Variants in MBNL1 observed in about 807,000 individuals in gnomAD.
MBNL1 encodes muscleblind like splicing regulator 1.
Under a neutral mutation model 42.2 loss-of-function variants are expected in MBNL1, and 8 were observed. The observed-to-expected ratio is 0.19, with a 90% confidence interval of 0.11 to 0.34. The LOEUF is 0.34. Ranked by LOEUF, MBNL1 falls within the 10% of genes least tolerant of loss-of-function variation. MBNL1 has a pLI of 1.00. For synonymous variants in MBNL1, 169 were observed against 173.9 expected, an observed-to-expected ratio of 0.97 and a Z score of 0.22; for missense variants, 309 against 495.3, an observed-to-expected ratio of 0.62 and a Z score of 3.57.
At chr3:152,419,750 C>T (rs2098770449) in intron 3 of MBNL1, among the ~76,000 whole-genome samples, 2 of 151,986 alleles carry the variant, frequency 1.3e-5, no homozygotes, top group Admixed American at 1.3e-4. Flanking sequence ...TCCTGGAACA[C>T]CAGCGAGACA....
At chr3:152,364,843 T>A (rs1008338576) in intron 2 of MBNL1, among the ~76,000 whole-genome samples, 1 of 151,996 alleles carries the variant, frequency 6.6e-6, no homozygotes, top group African/African-American at 2.4e-5. Flanking sequence ...ATACAATTTG[T>A]TATTTTGTGA....
intron 1 of MBNL1, among the ~76,000 whole-genome samples, chr3:152,291,202 T>G (rs894453983): frequency 6.6e-6 from 1 of 152,202 alleles, no homozygotes; most frequent in African/African-American, 2.4e-5. Flanking sequence ...GAAGGAAATG[T>G]TAAAATACTT....
At chr3:152,288,118 C>T (rs764549901) in intron 1 of MBNL1, among the ~76,000 whole-genome samples, 1 of 152,178 alleles carries the variant, frequency 6.6e-6, no homozygotes, top group Non-Finnish European at 1.5e-5. Flanking sequence ...GTAATGCTCA[C>T]ATTCTGCCAA....
chr3:152,358,534 T>G lies in MBNL1; in HGVS notation c.175-56407T>G, dbSNP rs182967746. Reference sequence around the variant, plus strand: ...CAGTTCAATTAGTTTTCCCTGCAACTAGATCTATTTCCTTTGCTGTTAAGG... The same window carrying G: ...CAGTTCAATTAGTTTTCCCTGCAACGAGATCTATTTCCTTTGCTGTTAAGG... On this transcript the variant is annotated intron_variant, in intron 2 of 9. Coordinates refer to ENST00000324210, the MANE Select transcript of MBNL1 (RefSeq NM_021038.5). 2.6e-5 allele frequency among the ~76,000 whole-genome samples: 4 copies of G among 152,336 alleles called. No homozygotes were observed. In the East Asian group the frequency reaches 7.7e-4, roughly 29 times the overall value.
At chr3:152,311,540 C>T (rs370321701) in intron 2 of MBNL1, among the ~76,000 whole-genome samples, 2 of 151,978 alleles carry the variant, frequency 1.3e-5, no homozygotes, top group African/African-American at 4.8e-5. Flanking sequence ...TTGAGTATTA[C>T]ATTTCAGAAA....
At chr3:152,414,359 A>G (rs551667293) in intron 2 of MBNL1, among the ~76,000 whole-genome samples, 8 of 152,320 alleles carry the variant, frequency 5.3e-5, no homozygotes, top group Admixed American at 3.9e-4. Context: ...ATTAATCTCT[A>G]TATACAGTGG....
At chr3:152,353,898 A>G (rs1410934759) in intron 2 of MBNL1, among the ~76,000 whole-genome samples, 3 of 152,154 alleles carry the variant, frequency 2.0e-5, no homozygotes, top group Admixed American at 6.5e-5. Flanking sequence ...GTATGAGCAT[A>G]AATTTTATCT....
chr3:152,445,419 C>T lies in MBNL1; in HGVS notation c.687C>T (p.Cys229=). 6.2e-7 allele frequency: 1 copy of T among 1,614,102 alleles called. No homozygotes were observed. Among genetic ancestry groups the T allele is most frequent in the Non-Finnish European group, 8.5e-7 (1 of 1,179,984 alleles). Residue 229 remains cysteine (C), a synonymous_variant, in exon 5 of 10, where the codon TGC becomes TGT. Transcript: ENST00000324210. ...GTATGGATTACATCAAAGGGAGATG[C>T]TCTCGGGAAAAGTGCAAATACTTTC... The part of the protein sequence containing the change: ...TVCMDYIKGR[C]SREKCKYFHP...
intron 1 of MBNL1, among the ~76,000 whole-genome samples, chr3:152,272,068 TC>T (rs2042265759): frequency 6.6e-6 from 1 of 151,514 alleles, no homozygotes; most frequent in Non-Finnish European, 1.5e-5. Context: ...TCTCTCTCTC[TC>T]TTTCATGGTG....
chr3:152,334,127 A>T lies in MBNL1; in HGVS notation c.174+33760A>T, dbSNP rs368058922. ...TTAATTCTGTCATGATGAAGTGAAC[A>T]CTGTGATGCAATACTTTTATACTTA... On this transcript the variant is annotated intron_variant, in intron 2 of 9. Coordinates refer to ENST00000324210, the MANE Select transcript of MBNL1 (RefSeq NM_021038.5). Among the ~76,000 whole-genome samples, 59 of 152,326 alleles carry T rather than the reference A, an allele frequency of 3.9e-4. No individual in the cohort carries two copies. In the South Asian group the frequency reaches 0.012, roughly 32 times the overall value.
At chr3:152,419,176 G>A (rs1187951450) in intron 3 of MBNL1, among the ~76,000 whole-genome samples, 1 of 151,812 alleles carries the variant, frequency 6.6e-6, no homozygotes, top group Non-Finnish European at 1.5e-5. Context: ...CTAATAAAAT[G>A]CAAAATGATC....
intron 5 of MBNL1, among the ~76,000 whole-genome samples, chr3:152,447,182 G>A (rs185662470): frequency 8.2e-4 from 124 of 150,928 alleles, no homozygotes; most frequent in African/African-American, 2.9e-3. Context: ...GGTAGATCTG[G>A]GGGGAGGAGC....
chr3:152,396,508 A>T (rs2097945410), intron 2 of MBNL1, among the ~76,000 whole-genome samples: 2 of 152,178 alleles, frequency 1.3e-5, no homozygotes, highest in Non-Finnish European at 2.9e-5. Flanking sequence ...CCTCATTGGC[A>T]TAATGTAGTT....
At chr3:152,407,162 G>A (rs2098450872) in intron 2 of MBNL1, among the ~76,000 whole-genome samples, 2 of 145,740 alleles carry the variant, frequency 1.4e-5, no homozygotes, top group African/African-American at 5.1e-5. Flanking sequence ...TTATATCTGT[G>A]GTAAAGTAAT....
intron 2 of MBNL1, chr3:152,340,447 T>C (rs1314982664): frequency 6.7e-7 from 1 of 1,494,374 alleles, no homozygotes; most frequent in East Asian, 2.3e-5. Flanking sequence ...CCATTTTTTT[T>C]TTAAGTAAAA....
In MBNL1 at chr3:152,392,319, C is replaced by G. The variant is rs1466054317; in HGVS notation, c.175-22622C>G. On this transcript the variant is annotated intron_variant, in intron 2 of 9. Transcript: ENST00000324210. ...TACTTTTATTATCAATTTCAGAGCT[C>G]ATTTCTGAGACAAAAATTCAGAACT... Among the ~76,000 whole-genome samples the G allele has an allele frequency of 2.0e-5, 3 of 152,184 alleles. No individual in the cohort carries two copies. The East Asian group carries it at 5.8e-4, about 29-fold the overall frequency.
chr3:152,374,017 A>G (rs1271715150), intron 2 of MBNL1, among the ~76,000 whole-genome samples: 4 of 152,196 alleles, frequency 2.6e-5, no homozygotes, highest in Non-Finnish European at 5.9e-5. Context: ...ATTTTAAAGC[A>G]TATCTTAAAT....
chr3:152,267,295 TTAAATG>T (rs2037449517), upstream of MBNL1: 1 of 152,594 alleles, frequency 6.6e-6, no homozygotes, highest in South Asian at 2.1e-4. Context: ...AAGGCACCAG[TTAAATG>T]TAAATCCTCC....
rs76195909 is a variant in MBNL1, at chr3:152,435,748, G to C, written c.549+2828G>C. On this transcript the variant is annotated intron_variant, in intron 4 of 9. Coordinates refer to ENST00000324210, the MANE Select transcript of MBNL1 (RefSeq NM_021038.5). ...AGTGTTTTGTCATTCTCATTTTAGA[G>C]AGCTTTCACCTCCCTGCTTAACTGT... is the stretch of plus-strand genomic sequence containing the variant. 7.9e-5 allele frequency among the ~76,000 whole-genome samples: 12 copies of C among 152,194 alleles called. No individual in the cohort carries two copies. The East Asian group carries it at 2.3e-3, about 29-fold the overall frequency.
Sources: allele counts gnomAD v4.1 joint callset (sites outside exome capture counted in the v4.1 genomes callset), GRCh38; gene constraint gnomAD v4.1.1; transcripts MANE v1.5; gene names NCBI Gene and HGNC (gene_info 2026-07-23, HGNC 2026-07-21).